PCBP3: variants seen among roughly 807,000 people sequenced by gnomAD.
PCBP3 encodes the protein poly(rC)-binding protein 3.
A neutral mutation model predicts 52.7 loss-of-function variants in PCBP3; 25 were observed. The observed-to-expected ratio is 0.47, with a 90% CI of 0.35 to 0.66. The LOEUF (loss-of-function observed/expected upper bound fraction) is 0.66. Ranked by LOEUF, PCBP3 falls within the 30% of genes least tolerant of loss-of-function variation. PCBP3 has a pLI of 0.01. For missense variants in PCBP3, 391 were observed against 490.3 expected, an observed-to-expected ratio of 0.80 and a Z score of 1.91; for synonymous variants, 162 against 183.0, an observed-to-expected ratio of 0.89 and a Z score of 0.93.
intron 2 of PCBP3, among the ~76,000 whole-genome samples, chr21:45,726,355 G>A (rs2085043184): frequency 6.6e-6 from 1 of 152,052 alleles, no homozygotes; most frequent in Non-Finnish European, 1.5e-5. Context: ...GGACTGGGTG[G>A]GCTCATCTAG....
At chr21:45,886,915 C>T (rs2095537810) in intron 5 of PCBP3, among the ~76,000 whole-genome samples, 1 of 152,214 alleles carries the variant, frequency 6.6e-6, no homozygotes, top group African/African-American at 2.4e-5. Flanking sequence ...GGTCTAGGCT[C>T]TGTACGCGGC....
intron 2 of PCBP3, among the ~76,000 whole-genome samples, chr21:45,719,499 A>G (rs772496742): frequency 6.6e-6 from 1 of 152,138 alleles, no homozygotes; most frequent in Non-Finnish European, 1.5e-5. Context: ...CCATTACCCA[A>G]AATCCACACA....
intron 4 of PCBP3, among the ~76,000 whole-genome samples, chr21:45,816,308 A>T (rs539921189): frequency 5.9e-5 from 9 of 152,162 alleles, no homozygotes; most frequent in Admixed American, 5.2e-4. Flanking sequence ...AAACCTTTAG[A>T]TTTATTTTTT....
At chr21:45,797,680 G>GGATC (rs2092018341) in intron 4 of PCBP3, among the ~76,000 whole-genome samples, 2 of 1,542 alleles carry the variant, frequency 1.3e-3, no homozygotes, top group Non-Finnish European at 1.7e-3. Flanking sequence ...GAGAGTGAAT[G>GGATC]CATAGATGGA....
intron 16 of PCBP3, among the ~76,000 whole-genome samples, chr21:45,938,974 C>A (rs2077168270): frequency 1.3e-5 from 2 of 152,232 alleles, no homozygotes; most frequent in Admixed American, 6.5e-5. Context: ...GCCACATGGC[C>A]CAGCCCAGCC....
At chr21:45,846,850 T>C (rs2093825301) in intron 4 of PCBP3, among the ~76,000 whole-genome samples, 1 of 152,256 alleles carries the variant, frequency 6.6e-6, no homozygotes, top group Admixed American at 6.5e-5. Context: ...CACGTGCTTC[T>C]GCTCATTCCT....
At chr21:45,898,687 G>A (rs368028930) in intron 6 of PCBP3, among the ~76,000 whole-genome samples, 10 of 28,584 alleles carry the variant, frequency 3.5e-4, no homozygotes, top group South Asian at 2.4e-3. Flanking sequence ...CCCTCCACGG[G>A]CCCCTCTGCA....
At chr21:45,725,384 C>T (rs925647978) in intron 2 of PCBP3, among the ~76,000 whole-genome samples, 1 of 152,194 alleles carries the variant, frequency 6.6e-6, no homozygotes, top group African/African-American at 2.4e-5. Flanking sequence ...ATCTTAACTT[C>T]ATTCTGTGAT....
At chr21:45,887,965 T>C (rs1479802226) in intron 5 of PCBP3, among the ~76,000 whole-genome samples, 1 of 152,242 alleles carries the variant, frequency 6.6e-6, no homozygotes, top group East Asian at 1.9e-4. Context: ...CTTGCAGCTG[T>C]GCTTGCAGCT....
chr21:45,900,702 C>A, intron 8 of PCBP3, 79 bp downstream of exon 8: 1 of 1,082,624 alleles, frequency 9.2e-7, no homozygotes. Context: ...CCCCTGCCGA[C>A]GTCCTGCCTG....
chr21:45,930,690 C>A, intron 14 of PCBP3, 96 bp from the exon 15 acceptor site: 1 of 648,854 alleles, frequency 1.5e-6, no homozygotes, highest in East Asian at 2.7e-5. Flanking sequence ...AGCGCCGGTG[C>A]GTGCGCCAGT....
At position 45,914,012 on chromosome 21, in the gene PCBP3, T is replaced by C. The variant is rs2149302870; in HGVS notation, c.662T>C (p.Phe221Ser). The change falls in exon 12 of 18, where the codon TTT becomes TCT. Residue 221 changes from phenylalanine (F) to serine (S), a missense_variant. Phe to Ser is a radical substitution (Grantham distance 155). Coordinates refer to ENST00000681687, the MANE Select transcript of PCBP3 (RefSeq NM_001384156.1). ...RPKPASTPVIFAGGQAYTIQG... is the reference protein window; with the variant it reads ...RPKPASTPVISAGGQAYTIQG... ...AAGCCCGCCTCCACCCCTGTCATTT[T>C]TGCAGGTGGTCAGGTAAGAGCCGAT... The C allele has an allele frequency of 6.2e-7, 1 of 1,613,800 alleles. No homozygotes were observed. The highest frequency in any genetic ancestry group is 1.7e-4 in the Middle Eastern group (1 of 6,058).
intron 2 of PCBP3, among the ~76,000 whole-genome samples, chr21:45,684,451 T>C (rs1603256224): frequency 1.3e-5 from 2 of 152,166 alleles, no homozygotes; most frequent in Non-Finnish European, 2.9e-5. Context: ...TCCCCAGTGT[T>C]GGAGGTGGGG....
In PCBP3 at chr21:45,704,676, G is replaced by A. The variant is rs757367528; in HGVS notation, c.-199-30716G>A. Among the ~76,000 whole-genome samples the A allele has an allele frequency of 2.6e-5, 4 of 152,308 alleles. No homozygotes were observed. The highest frequency in any genetic ancestry group is 2.1e-4 in the South Asian group (1 of 4,830). On this transcript the variant is annotated intron_variant, in intron 2 of 17. Coordinates refer to ENST00000681687, the MANE Select transcript of PCBP3 (RefSeq NM_001384156.1). This position sits in a 1 kb window ranked among gnomAD's most constrained non-coding sequence, Gnocchi z 4.1. Reference sequence around the variant, plus strand: ...ATTCATAAAGGGAATATGGAGTTCCGTTTACAACAGCAAGAGATGCCTTGT... The same window carrying A: ...ATTCATAAAGGGAATATGGAGTTCCATTTACAACAGCAAGAGATGCCTTGT...
intron 4 of PCBP3, among the ~76,000 whole-genome samples, chr21:45,845,973 C>G (rs1407561143): frequency 2.2e-4 from 33 of 152,228 alleles, no homozygotes; most frequent in Admixed American, 2.2e-3. Context: ...TCCTCTGTCT[C>G]CTTGCCTTCC....
chr21:45,862,182 G>A (rs1236654848), intron 5 of PCBP3, among the ~76,000 whole-genome samples: 9 of 95,934 alleles, frequency 9.4e-5, no homozygotes, highest in Admixed American at 9.0e-4. Context: ...CATAGGAATT[G>A]GGGCGGGTGG....
chr21:45,837,758 A>G lies in PCBP3; in HGVS notation c.-125-12203A>G, dbSNP rs1024096683. 6.6e-6 allele frequency among the ~76,000 whole-genome samples: 1 copy of G among 152,194 alleles called. No individual in the cohort carries two copies. The highest frequency in any genetic ancestry group is 1.5e-5 in the Non-Finnish European group (1 of 68,036). On this transcript the variant is annotated intron_variant, in intron 4 of 17. Coordinates refer to ENST00000681687, the MANE Select transcript of PCBP3 (RefSeq NM_001384156.1). This position sits in a 1 kb window ranked among gnomAD's most constrained non-coding sequence, Gnocchi z 4.1. ...ACTGCACGTTGCACCGCATGGCATG[A>G]TGAGGCGTGTGGTCTGGCCGCTCCT... is the stretch of plus-strand genomic sequence containing the variant.
At chr21:45,851,958 C>A (rs1056066188) in intron 5 of PCBP3, among the ~76,000 whole-genome samples, 8 of 152,172 alleles carry the variant, frequency 5.3e-5, no homozygotes, top group African/African-American at 1.9e-4. Context: ...CTCCCCAGCC[C>A]TGAGGCTAGG....
chr21:45,755,876 T>C (rs568324469), intron 4 of PCBP3, among the ~76,000 whole-genome samples: 1 of 152,334 alleles, frequency 6.6e-6, no homozygotes, highest in African/African-American at 2.4e-5. Flanking sequence ...TCCTAAAGTA[T>C]GCCTTGAATT....
Sources: gnomAD v4.1 joint callset for allele counts (sites outside exome capture counted in the v4.1 genomes callset) on GRCh38, gnomAD v4.1.1 for gene constraint, Gnocchi (gnomAD v3.1) non-coding constraint, MANE v1.5 for transcripts, NCBI Gene and HGNC (gene_info 2026-07-23, HGNC 2026-07-21) for gene names.